Variants in SLC4A4 observed in about 807,000 individuals in gnomAD.
SLC4A4 encodes electrogenic sodium bicarbonate cotransporter 1.
Under a neutral mutation model 111.5 loss-of-function variants are expected in SLC4A4, and 27 were observed. The observed-to-expected ratio is 0.24, with a 90% CI of 0.18 to 0.33. The LOEUF is 0.33. Among genes scored for constraint, SLC4A4 ranks in the 10% least tolerant of loss-of-function variants. The pLI, the probability that SLC4A4 is intolerant of heterozygous loss-of-function variation, is 1.00. For synonymous variants in SLC4A4, 443 were observed against 463.4 expected (o/e 0.96, Z 0.57); for missense variants, 909 against 1,315.5 (o/e 0.69, Z 4.78).
At chr4:71,462,464 A>G (rs1225691476) in intron 12 of SLC4A4, among the ~76,000 whole-genome samples, 1 of 124,604 alleles carries the variant, frequency 8.0e-6, no homozygotes, top group Admixed American at 1.1e-4. Context: ...GCTGGAGTGG[A>G]GTGGCGTGAT....
chr4:71,561,991 G>A (rs1737018614), intron 23 of SLC4A4, among the ~76,000 whole-genome samples: 1 of 151,764 alleles, frequency 6.6e-6, no homozygotes, highest in Non-Finnish European at 1.5e-5. Flanking sequence ...ATCAGCTTTG[G>A]AGAATGTTTT....
At chr4:71,088,245 T>C (rs1742254018) in intron 1 of SLC4A4, among the ~76,000 whole-genome samples, 5 of 150,762 alleles carry the variant, frequency 3.3e-5, no homozygotes, top group South Asian at 4.2e-4. Context: ...TTTTTTTTTT[T>C]CCATTTGCTT....
At chr4:71,459,318 T>C (rs1726589299) in intron 12 of SLC4A4, among the ~76,000 whole-genome samples, 1 of 152,006 alleles carries the variant, frequency 6.6e-6, no homozygotes, top group Admixed American at 6.6e-5. Context: ...TTATGTATTG[T>C]AGAAAATTCC....
In SLC4A4 at chr4:71,571,671, TC is replaced by T; in HGVS notation, c.*3923del. 6.6e-6 allele frequency: 1 copy of T among 152,404 alleles called. No individual in the cohort carries two copies. The highest frequency in any genetic ancestry group is 1.9e-4 in the East Asian group (1 of 5,144). 9.4% of individuals were successfully genotyped at this position (152,404 alleles called of 1,614,324 possible). A position where few individuals can be genotyped will look rare whatever the true frequency, so the allele number is the denominator to read the frequency against. On this transcript the variant is annotated 3_prime_UTR_variant, in exon 26 of 26. Transcript: ENST00000264485. ...ACTTTTAGAGCCAGAAGTAACTTTGTCCCAGTCCTACAATGTGAAAAGAGTG... is the reference window on the plus strand; with the variant it reads ...ACTTTTAGAGCCAGAAGTAACTTTGTCCAGTCCTACAATGTGAAAAGAGTG...
At chr4:71,370,413 A>C (rs1731755099) in intron 6 of SLC4A4, among the ~76,000 whole-genome samples, 1 of 152,204 alleles carries the variant, frequency 6.6e-6, no homozygotes, top group Non-Finnish European at 1.5e-5. Context: ...CATTTCTTCT[A>C]ATAAATTCTT....
intron 6 of SLC4A4, among the ~76,000 whole-genome samples, chr4:71,390,458 G>T (rs1408170420): frequency 1.3e-5 from 2 of 152,106 alleles, no homozygotes; most frequent in African/African-American, 4.8e-5. Flanking sequence ...CAATTATATT[G>T]CTGCTGCCTT....
intron 1 of SLC4A4, chr4:71,236,080 C>T: frequency 1.0e-6 from 1 of 999,978 alleles, no homozygotes; most frequent in South Asian, 4.4e-5. Context: ...AGCCTACCTC[C>T]CTGTCGCTCT....
chr4:71,447,477 A>G (rs1360184083), intron 8 of SLC4A4, among the ~76,000 whole-genome samples, 169 bp from the exon 9 acceptor site: 1 of 152,226 alleles, frequency 6.6e-6, no homozygotes, highest in East Asian at 1.9e-4. Flanking sequence ...GTGTTTTGCA[A>G]TAGTGCGAAA....
intron 18 of SLC4A4, among the ~76,000 whole-genome samples, chr4:71,536,460 A>ATATATATATATATATATATATG (rs1364893628): frequency 1.5e-4 from 8 of 51,946 alleles, no homozygotes; most frequent in Non-Finnish European, 3.1e-4. Flanking sequence ...ATATATACAT[A>ATATATATATATATATATATATG]TATACATATA....
intron 1 of SLC4A4, among the ~76,000 whole-genome samples, chr4:71,218,110 C>T (rs1715750955): frequency 6.6e-6 from 1 of 152,142 alleles, no homozygotes; most frequent in Admixed American, 6.5e-5. Flanking sequence ...AGTTCATAAG[C>T]AAGTCCCAAA....
intron 2 of SLC4A4, among the ~76,000 whole-genome samples, chr4:71,173,913 A>T (rs1745012740): frequency 6.6e-6 from 1 of 152,248 alleles, no homozygotes; most frequent in Admixed American, 6.5e-5. Context: ...GGGGATTTTT[A>T]TTAAGATTAA....
intron 16 of SLC4A4, among the ~76,000 whole-genome samples, chr4:71,518,919 C>T (rs150118652): frequency 2.0e-5 from 3 of 152,250 alleles, no homozygotes; most frequent in East Asian, 1.9e-4. Flanking sequence ...TGGGTTTTAC[C>T]GGGACAGACC....
intron 15 of SLC4A4, among the ~76,000 whole-genome samples, chr4:71,493,235 TA>T (rs1730098829): frequency 6.6e-6 from 1 of 152,048 alleles, no homozygotes; most frequent in Non-Finnish European, 1.5e-5. Flanking sequence ...AAATATGTCC[TA>T]AATGTTACAT....
chr4:71,211,788 T>G (rs57095113), intron 1 of SLC4A4, among the ~76,000 whole-genome samples: 10,084 of 139,654 alleles, frequency 0.072, 366 homozygotes, highest in Middle Eastern at 0.15. Flanking sequence ...TTTTTTTTTT[T>G]TTTGTGTGTG....
chr4:71,384,584 C>G (rs1452272539), intron 6 of SLC4A4, among the ~76,000 whole-genome samples: 5 of 150,210 alleles, frequency 3.3e-5, no homozygotes, highest in Non-Finnish European at 7.4e-5. Flanking sequence ...TGCAGTGAGG[C>G]CAGATCACGC....
intron 1 of SLC4A4, among the ~76,000 whole-genome samples, chr4:71,192,510 A>G (rs956237443): frequency 6.6e-6 from 1 of 152,196 alleles, no homozygotes; most frequent in Non-Finnish European, 1.5e-5. Flanking sequence ...AAAACATTGA[A>G]AAGTGCCTGA....
intron 2 of SLC4A4, among the ~76,000 whole-genome samples, chr4:71,130,800 T>A (rs1448608721): frequency 6.6e-6 from 1 of 152,200 alleles, no homozygotes; most frequent in Admixed American, 6.5e-5. Flanking sequence ...ATGCAAATAG[T>A]AGATCCTCTG....
intron 20 of SLC4A4, among the ~76,000 whole-genome samples, chr4:71,551,364 A>G (rs1231050450): frequency 6.6e-6 from 1 of 151,840 alleles, no homozygotes; most frequent in Non-Finnish European, 1.5e-5. Context: ...ACAATATGTC[A>G]CTTTGTTCAG....
At chr4:71,413,584 T>C (rs1721584424) in intron 7 of SLC4A4, among the ~76,000 whole-genome samples, 1 of 152,204 alleles carries the variant, frequency 6.6e-6, no homozygotes, top group Admixed American at 6.5e-5. Context: ...TTTCCCTCAA[T>C]GGCTTTTTTG....
Sources: gnomAD v4.1 joint callset for allele counts (sites outside exome capture counted in the v4.1 genomes callset) on GRCh38, gnomAD v4.1.1 for gene constraint, MANE v1.5 for transcripts, NCBI Gene and HGNC (gene_info 2026-07-23, HGNC 2026-07-21) for gene names.